The following FXYD7 variants were observed in gnomAD, a reference collection of about 807,000 sequenced individuals.
FXYD7 encodes FXYD domain containing ion transport regulator 7, also known as FXYD domain-containing ion transport regulator 7.
A neutral mutation model predicts 15.3 loss-of-function variants in FXYD7; 7 were observed. That is an observed-to-expected ratio of 0.46 (90% confidence interval 0.26 to 0.86). The LOEUF (loss-of-function observed/expected upper bound fraction) is 0.86, where lower values mean the gene tolerates loss of function less well. Among genes scored for constraint, FXYD7 ranks in the 40% least tolerant of loss-of-function variants. The pLI is 0.16. For missense variants in FXYD7, 78 were observed against 100.6 expected (o/e 0.78, Z 0.96); for synonymous variants, 39 against 39.3 (o/e 0.99, Z 0.03).
intron 2 of FXYD7, among the ~76,000 whole-genome samples, chr19:35,150,365 C>G (rs1474158614): frequency 6.6e-6 from 1 of 151,814 alleles, no homozygotes; most frequent in Admixed American, 6.6e-5. Flanking sequence ...ACCACTGCAC[C>G]CCAGCCTGGG....
chr19:35,147,272 A>G (rs1025896723), intron 1 of FXYD7, among the ~76,000 whole-genome samples: 2 of 152,212 alleles, frequency 1.3e-5, no homozygotes, highest in Non-Finnish European at 1.5e-5. Context: ...GGAGCCATCC[A>G]TCTGAGCCTG....
chr19:35,150,418 A>G (rs2065305533), intron 2 of FXYD7, among the ~76,000 whole-genome samples: 1 of 152,172 alleles, frequency 6.6e-6, no homozygotes, highest in South Asian at 2.1e-4. Context: ...AGACAAGAAT[A>G]TTATGAGGCA....
intron 1 of FXYD7, among the ~76,000 whole-genome samples, chr19:35,148,079 G>GAAA: frequency 8.1e-6 from 1 of 124,082 alleles, no homozygotes; most frequent in East Asian, 2.8e-4. Context: ...AAGAAAGAAA[G>GAAA]AAAGAAAGAA....
chr19:35,146,652 G>A (rs1183175133), intron 1 of FXYD7, among the ~76,000 whole-genome samples: 1 of 152,164 alleles, frequency 6.6e-6, no homozygotes, highest in Non-Finnish European at 1.5e-5. Context: ...GCTACCCACT[G>A]CTGGTTACAT....
chr19:35,146,378 C>T (rs1418219451), intron 1 of FXYD7, among the ~76,000 whole-genome samples: 1 of 152,140 alleles, frequency 6.6e-6, no homozygotes, highest in African/African-American at 2.4e-5. Context: ...ACCTCGTGAT[C>T]CGCCCACCTT....
At chr19:35,150,061 C>G (rs1037835960) in intron 2 of FXYD7, among the ~76,000 whole-genome samples, 1 of 152,084 alleles carries the variant, frequency 6.6e-6, no homozygotes, top group African/African-American at 2.4e-5. Context: ...GGACTACAGG[C>G]CCACACCACT....
chr19:35,149,508 A>C (rs960186789), intron 2 of FXYD7: 1 of 168,654 alleles, frequency 5.9e-6, no homozygotes, highest in African/African-American at 2.4e-5. Context: ...CTTGTTTTTG[A>C]GGGGGATTGT....
Position 35,143,482 on chromosome 19 carries a change from C to T in FXYD7, c.31+118C>T, listed in dbSNP as rs1435390711. ...AAGGGAGTTGGGGGAGGGAGGTCCG[C>T]TCCTCCTGTGGGCGGAAGCCCCTGT... On this transcript the variant is annotated intron_variant, in intron 1 of 5. Transcript: ENST00000270310. This position sits in a 1 kb window ranked among gnomAD's most constrained non-coding sequence, Gnocchi z 4.3. The T allele has an allele frequency of 1.3e-6, 1 of 791,758 alleles. No homozygotes were observed. The highest frequency in any genetic ancestry group is 4.0e-5 in the Admixed American group (1 of 25,128). The allele number at this position is 791,758 out of a possible 1,614,324, so 49.0% of individuals were successfully genotyped here.
intron 1 of FXYD7, 92 bp from the exon 2 acceptor site, chr19:35,148,602 G>A: frequency 2.8e-6 from 3 of 1,056,020 alleles, no homozygotes; most frequent in Non-Finnish European, 4.0e-6. Context: ...AAATGATTAG[G>A]CCAGTGGCTC....
chr19:35,148,563 C>G, intron 1 of FXYD7, 131 bp from the exon 2 acceptor site: 1 of 748,108 alleles, frequency 1.3e-6, no homozygotes, highest in African/African-American at 1.8e-5. Context: ...TCATCCAAAC[C>G]AAGGGGTCTC....
Position 35,143,439 on chromosome 19 carries a change from T to G in FXYD7, c.31+75T>G, listed in dbSNP as rs1057339116. On this transcript the variant is annotated intron_variant, in intron 1 of 5. Transcript: ENST00000270310. This position sits in a 1 kb window ranked among gnomAD's most constrained non-coding sequence, Gnocchi z 4.3. ...GCCTAGGAGAGAGGGTGTCGGGAGA[T>G]TCAAGCAATGGTAAGGCAAGGGAGT... 1 of 1,175,370 alleles carries G rather than the reference T, an allele frequency of 8.5e-7. No individual in the cohort carries two copies. The highest frequency in any genetic ancestry group is 1.6e-5 in the African/African-American group (1 of 60,838). 72.8% of individuals were successfully genotyped at this position (1,175,370 alleles called of 1,614,324 possible).
Position 35,143,485 on chromosome 19 carries a change from CT to C in FXYD7, c.31+122del. 1.3e-6 allele frequency: 1 copy of C among 760,864 alleles called. No homozygotes were observed. The highest frequency in any genetic ancestry group is 2.0e-6 in the Non-Finnish European group (1 of 511,200). The allele number at this position is 760,864 out of a possible 1,614,324, so 47.1% of individuals were successfully genotyped here. ...GGAGTTGGGGGAGGGAGGTCCGCTCCTCCTGTGGGCGGAAGCCCCTGTAATG... is the reference window on the plus strand; with the variant it reads ...GGAGTTGGGGGAGGGAGGTCCGCTCCCCTGTGGGCGGAAGCCCCTGTAATG... On this transcript the variant is annotated intron_variant, in intron 1 of 5. Coordinates refer to ENST00000270310, the MANE Select transcript of FXYD7 (RefSeq NM_022006.2). The surrounding 1 kb of genome is among the most constrained non-coding windows in gnomAD (Gnocchi z 4.3).
intron 3 of FXYD7, 22 bp from the exon 4 acceptor site, chr19:35,151,418 T>C (rs2065309505): frequency 6.2e-7 from 1 of 1,613,650 alleles, no homozygotes. Context: ...TGTCTTCTTG[T>C]TCTGTCTCTC....
Position 35,151,245 on chromosome 19 carries a change from C to T in FXYD7, c.62-9C>T. 1.3e-6 allele frequency: 2 copies of T among 1,575,318 alleles called. No individual in the cohort carries two copies. The highest frequency in any genetic ancestry group is 2.2e-5 in the South Asian group (2 of 90,282). On this transcript the variant is annotated splice_polypyrimidine_tract_variant and intron_variant, in intron 2 of 5. Coordinates refer to ENST00000270310, the MANE Select transcript of FXYD7 (RefSeq NM_022006.2). Reference sequence around the variant, plus strand: ...TCCCTGCCTCGATGTCCCCCATTATCTTCCCCAGACTACAACACGGTGCAG... The same window carrying T: ...TCCCTGCCTCGATGTCCCCCATTATTTTCCCCAGACTACAACACGGTGCAG...
chr19:35,151,232 T>C, intron 2 of FXYD7, 22 bp from the exon 3 acceptor site: 1 of 1,507,746 alleles, frequency 6.6e-7, no homozygotes. Flanking sequence ...CCTGCCTCGA[T>C]GTCCCCCATT....
intron 1 of FXYD7, among the ~76,000 whole-genome samples, chr19:35,147,734 C>G (rs1367006533): frequency 6.6e-6 from 1 of 152,108 alleles, no homozygotes; most frequent in Non-Finnish European, 1.5e-5. Context: ...TGGCTCACAT[C>G]TGTAATCCCA....
Position 35,143,444 on chromosome 19 carries a change from G to C in FXYD7, c.31+80G>C, listed in dbSNP as rs903944298. ...GGAGAGAGGGTGTCGGGAGATTCAA[G>C]CAATGGTAAGGCAAGGGAGTTGGGG... On this transcript the variant is annotated intron_variant, in intron 1 of 5. Coordinates refer to ENST00000270310, the MANE Select transcript of FXYD7 (RefSeq NM_022006.2). The surrounding 1 kb of genome is among the most constrained non-coding windows in gnomAD (Gnocchi z 4.3). 8.8e-7 allele frequency: 1 copy of C among 1,132,126 alleles called. No individual in the cohort carries two copies. The highest frequency in any genetic ancestry group is 1.7e-5 in the African/African-American group (1 of 60,494). 70.1% of individuals were successfully genotyped at this position (1,132,126 alleles called of 1,614,324 possible).
Position 35,151,689 on chromosome 19 carries a change from T to G in FXYD7, c.220+16T>G. Reference sequence around the variant, plus strand: ...CCCTCTTCAGGTGAGGGTGAGAAACTGTGTGGTTCTGGGAGAGTTTTAGGT... The same window carrying G: ...CCCTCTTCAGGTGAGGGTGAGAAACGGTGTGGTTCTGGGAGAGTTTTAGGT... On this transcript the variant is annotated intron_variant, in intron 5 of 5. Transcript: ENST00000270310. 6.2e-7 allele frequency: 1 copy of G among 1,604,558 alleles called. No individual in the cohort carries two copies. The highest frequency in any genetic ancestry group is 8.5e-7 in the Non-Finnish European group (1 of 1,172,230).
Position 35,143,898 on chromosome 19 carries a change from G to A in FXYD7, c.31+534G>A, listed in dbSNP as rs772400593. Among the ~76,000 whole-genome samples, 3 of 152,320 alleles carry A rather than the reference G, an allele frequency of 2.0e-5. No individual in the cohort carries two copies. The highest frequency in any genetic ancestry group is 4.4e-5 in the Non-Finnish European group (3 of 68,034). On this transcript the variant is annotated intron_variant, in intron 1 of 5. Transcript: ENST00000270310. The surrounding 1 kb of genome is among the most constrained non-coding windows in gnomAD (Gnocchi z 4.3). ...GAGACAGAGAGAAGGGATATAGCAA[G>A]AGACAGACAGGGAGAACCTGGAAGA...
Sources: allele counts gnomAD v4.1 joint callset (sites outside exome capture counted in the v4.1 genomes callset), GRCh38; gene constraint gnomAD v4.1.1; non-coding constraint Gnocchi (gnomAD v3.1); transcripts MANE v1.5; gene names NCBI Gene and HGNC (gene_info 2026-07-23, HGNC 2026-07-21).